PTPN11: variants seen among roughly 807,000 people sequenced by gnomAD.
The protein encoded by PTPN11 is protein tyrosine phosphatase non-receptor type 11, also known as tyrosine-protein phosphatase non-receptor type 11.
In PTPN11, 6 loss-of-function variants were observed where a neutral mutation model predicts 78.8. That is an observed-to-expected ratio of 0.08 (90% CI 0.04 to 0.15). The LOEUF is 0.15. PTPN11 is among the 10% of genes least tolerant of loss of function. The pLI is 1.00. For missense variants in PTPN11, 386 were observed against 744.8 expected, an observed-to-expected ratio of 0.52 and a Z score of 5.61; for synonymous variants, 221 against 263.5, an observed-to-expected ratio of 0.84 and a Z score of 1.56.
At chr12:112,440,011 C>T (rs1416858140) in intron 1 of PTPN11, among the ~76,000 whole-genome samples, 1 of 152,026 alleles carries the variant, frequency 6.6e-6, no homozygotes, top group Admixed American at 6.6e-5. Flanking sequence ...TGTAGGTAGA[C>T]AAATTGAGGC....
intron 15 of PTPN11, among the ~76,000 whole-genome samples, chr12:112,505,441 C>T (rs531380870): frequency 5.9e-5 from 9 of 151,906 alleles, no homozygotes; most frequent in African/African-American, 9.7e-5. Context: ...CTGAGGTGGG[C>T]GGATCACCTG....
In PTPN11 at chr12:112,504,780, C is replaced by G. The variant is rs761625067; in HGVS notation, c.*16C>G. The G allele has an allele frequency of 1.3e-6, 2 of 1,547,400 alleles. No individual in the cohort carries two copies. The highest frequency in any genetic ancestry group is 2.2e-5 in the East Asian group (1 of 44,500). On this transcript the variant is annotated 3_prime_UTR_variant, in exon 15 of 16. Transcript: ENST00000351677. This position sits in a 1 kb window ranked among gnomAD's most constrained non-coding sequence, Gnocchi z 4.7. Reference sequence around the variant, plus strand: ...TTTCAGATGAGAAAACCTGCCAAAACTTCAGCACAGAAATAGGTATTTAAA... The same window carrying G: ...TTTCAGATGAGAAAACCTGCCAAAAGTTCAGCACAGAAATAGGTATTTAAA...
rs1555268066 is a variant in PTPN11 at position 112,455,943 on chromosome 12, C to T, written c.643-7C>T. On this transcript the variant is annotated splice_region_variant and splice_polypyrimidine_tract_variant and intron_variant, in intron 5 of 15. Transcript: ENST00000351677. ...TTTATTTTACATCAACTGCTGTACT[C>T]GATCAGCCCCTTAACACGACTCGTA... The T allele has an allele frequency of 2.6e-6, 4 of 1,527,378 alleles. No homozygotes were observed. Among genetic ancestry groups the T allele is most frequent in the East Asian group, 2.3e-5 (1 of 44,372 alleles). 94.6% of individuals were successfully genotyped at this position (1,527,378 alleles called of 1,614,324 possible). A position where few individuals can be genotyped will look rare whatever the true frequency, so the allele number is the denominator to read the frequency against.
At chr12:112,449,542 G>C (rs1437290046) in intron 2 of PTPN11, among the ~76,000 whole-genome samples, 2 of 151,922 alleles carry the variant, frequency 1.3e-5, no homozygotes, top group African/African-American at 4.8e-5. Context: ...TTGCTGCATA[G>C]TATTCCATTG....
chr12:112,478,024 C>T lies in PTPN11; in HGVS notation c.1092+9C>T, dbSNP rs374768093. 6.8e-6 allele frequency: 11 copies of T among 1,613,768 alleles called. No homozygotes were observed. The highest frequency in any genetic ancestry group is 6.7e-5 in the African/African-American group (5 of 74,910). On this transcript the variant is annotated intron_variant, in intron 9 of 15. Coordinates refer to ENST00000351677, the MANE Select transcript of PTPN11 (RefSeq NM_002834.5). ...AAGTGGAGAGAGGAAAGGTAAATCA[C>T]AGAAACTTCTTTTCTGCTAAACTGT... is the stretch of plus-strand genomic sequence containing the variant.
chr12:112,477,589 T>C, intron 7 of PTPN11, 62 bp from the exon 8 acceptor site: 1 of 1,329,774 alleles, frequency 7.5e-7, no homozygotes. Context: ...AGTAACTGAT[T>C]TGAACTGTTT....
chr12:112,456,458 C>CTTT (rs11320404), intron 6 of PTPN11, among the ~76,000 whole-genome samples: 1 of 124,592 alleles, frequency 8.0e-6, no homozygotes, highest in African/African-American at 3.0e-5. Flanking sequence ...CTTGTGGTGG[C>CTTT]TTTTTTTTTT....
chr12:112,419,261 T>G (rs2037479000), intron 1 of PTPN11, 136 bp downstream of exon 1: 3 of 868,332 alleles, frequency 3.5e-6, no homozygotes, highest in Non-Finnish European at 4.7e-6. Context: ...GGTTCCCTCC[T>G]CGTCCCCTCG....
chr12:112,472,132 T>G (rs942588974), intron 6 of PTPN11, among the ~76,000 whole-genome samples: 1 of 152,108 alleles, frequency 6.6e-6, no homozygotes, highest in Non-Finnish European at 1.5e-5. Flanking sequence ...CCTTCTGCCT[T>G]TTTTTTAAAG....
intron 9 of PTPN11, among the ~76,000 whole-genome samples, chr12:112,478,487 A>G (rs2038545153): frequency 6.6e-6 from 1 of 151,696 alleles, no homozygotes; most frequent in South Asian, 2.1e-4. Context: ...AAGTTGTCTC[A>G]TAGCCCACTG....
chr12:112,449,464 AC>A (rs2038046953), intron 2 of PTPN11, among the ~76,000 whole-genome samples: 1 of 151,876 alleles, frequency 6.6e-6, no homozygotes, highest in African/African-American at 2.4e-5. Context: ...CCAAGATTGC[AC>A]CACTGCACTC....
At chr12:112,461,953 C>T (rs1393313852) in intron 6 of PTPN11, among the ~76,000 whole-genome samples, 1 of 152,140 alleles carries the variant, frequency 6.6e-6, no homozygotes, top group Non-Finnish European at 1.5e-5. Flanking sequence ...TGTTTTATCC[C>T]ACATTACACA....
chr12:112,434,007 T>C (rs756020016), intron 1 of PTPN11, among the ~76,000 whole-genome samples: 2 of 152,034 alleles, frequency 1.3e-5, no homozygotes, highest in African/African-American at 2.4e-5. Flanking sequence ...CAAGAAGTCC[T>C]AGATGTGGGC....
At chr12:112,478,069 T>G (rs1412922745) in intron 9 of PTPN11, 54 bp downstream of exon 9, 1 of 1,589,996 alleles carries the variant, frequency 6.3e-7, no homozygotes. Flanking sequence ...ATCAGACATG[T>G]CAGATTGGCC....
chr12:112,475,190 G>A lies in PTPN11; in HGVS notation c.853+2150G>A, dbSNP rs190549542. ...TTTTAGCAAGGTTATAAGTGAAGGG[G>A]AGTGGGTGGGAGAACTGGCACTAGA... On this transcript the variant is annotated intron_variant, in intron 7 of 15. Transcript: ENST00000351677. 1.4e-3 allele frequency among the ~76,000 whole-genome samples: 212 copies of A among 152,290 alleles called. 1 individual carries two copies. Among genetic ancestry groups the A allele is most frequent in the Non-Finnish European group, 2.0e-3 (138 of 68,020 alleles).
chr12:112,438,178 A>G (rs926843321), intron 1 of PTPN11, among the ~76,000 whole-genome samples: 1 of 152,152 alleles, frequency 6.6e-6, no homozygotes. Flanking sequence ...CTTCTTTTGC[A>G]CAAAGGCTTG....
intron 1 of PTPN11, among the ~76,000 whole-genome samples, chr12:112,439,318 G>C (rs2037844945): frequency 6.6e-6 from 1 of 152,024 alleles, no homozygotes; most frequent in Non-Finnish European, 1.5e-5. Context: ...TTTTGAGACA[G>C]AGTCTCCCTC....
At chr12:112,483,559 G>T (rs1348935175) in intron 10 of PTPN11, among the ~76,000 whole-genome samples, 2 of 152,200 alleles carry the variant, frequency 1.3e-5, no homozygotes, top group East Asian at 1.9e-4. Flanking sequence ...GGTTGTGGGG[G>T]TTTGTCCTAA....
intron 6 of PTPN11, among the ~76,000 whole-genome samples, chr12:112,466,156 A>G (rs897917657): frequency 6.6e-6 from 1 of 152,222 alleles, no homozygotes; most frequent in Non-Finnish European, 1.5e-5. Flanking sequence ...TGCTACAGAG[A>G]AAACAAACTA....
Sources: gnomAD v4.1 joint callset for allele counts (sites outside exome capture counted in the v4.1 genomes callset) on GRCh38, gnomAD v4.1.1 for gene constraint, Gnocchi (gnomAD v3.1) non-coding constraint, MANE v1.5 for transcripts, NCBI Gene and HGNC (gene_info 2026-07-23, HGNC 2026-07-21) for gene names.